The following SLC24A2 variants were observed in gnomAD, a reference collection of about 807,000 sequenced individuals.
SLC24A2 encodes sodium/potassium/calcium exchanger 2.
SLC24A2 carries 36 observed loss-of-function variants against 62.0 expected under a neutral mutation model. The observed-to-expected ratio is 0.58, with a 90% confidence interval of 0.44 to 0.77. The LOEUF (loss-of-function observed/expected upper bound fraction) is 0.77. Among genes scored for constraint, SLC24A2 ranks in the 30% least tolerant of loss-of-function variants. The pLI, the probability that SLC24A2 is intolerant of heterozygous loss-of-function variation, is 0.00. For missense variants in SLC24A2, 846 were observed against 817.9 expected (o/e 1.03, Z -0.42); for synonymous variants, 358 against 294.0 (o/e 1.22, Z -2.23).
intron 2 of SLC24A2, among the ~76,000 whole-genome samples, chr9:19,709,792 C>G (rs1490259860): frequency 1.3e-5 from 2 of 150,286 alleles, no homozygotes; most frequent in Non-Finnish European, 3.0e-5. Context: ...GGAGATATAC[C>G]TAATGCTAAA....
the SLC24A2 span, among the ~76,000 whole-genome samples, chr9:20,159,281 C>T: frequency 6.6e-6 from 1 of 151,614 alleles, no homozygotes; most frequent in Non-Finnish European, 1.5e-5. Flanking sequence ...TCTTAGGAGC[C>T]TTTTCAGACC....
chr9:19,885,853 G>A, the SLC24A2 span, among the ~76,000 whole-genome samples: 2 of 152,028 alleles, frequency 1.3e-5, no homozygotes, highest in African/African-American at 4.8e-5. Context: ...TGTGGTACTT[G>A]GTTTTCTGCT....
chr9:19,953,734 A>T, the SLC24A2 span, among the ~76,000 whole-genome samples: 1 of 152,230 alleles, frequency 6.6e-6, no homozygotes, highest in South Asian at 2.1e-4. Context: ...TTAATGGGAT[A>T]TACACCTGTT....
the SLC24A2 span, among the ~76,000 whole-genome samples, chr9:19,988,586 G>C: frequency 1.6e-3 from 239 of 152,278 alleles, 1 homozygote; most frequent in Middle Eastern, 0.014. Flanking sequence ...CTAAGAATTA[G>C]ACAAGGGAGG....
the SLC24A2 span, among the ~76,000 whole-genome samples, chr9:20,225,277 T>A: frequency 1.6e-4 from 24 of 145,780 alleles, no homozygotes; most frequent in East Asian, 4.0e-3. Context: ...CAAGGAAACA[T>A]GTATAACAAT....
At chr9:19,751,591 G>A (rs1196795765) in intron 2 of SLC24A2, among the ~76,000 whole-genome samples, 1 of 152,088 alleles carries the variant, frequency 6.6e-6, no homozygotes, top group African/African-American at 2.4e-5. Flanking sequence ...GGAGAAAGGA[G>A]AGAAACCAAA....
At chr9:19,917,169 C>T in the SLC24A2 span, among the ~76,000 whole-genome samples, 6 of 151,272 alleles carry the variant, frequency 4.0e-5, no homozygotes, top group African/African-American at 1.2e-4. Context: ...AGACATTTAT[C>T]TCCCTCTACT....
intron 7 of SLC24A2, among the ~76,000 whole-genome samples, chr9:19,553,744 G>A (rs900722729): frequency 6.6e-6 from 1 of 152,234 alleles, no homozygotes; most frequent in Non-Finnish European, 1.5e-5. Flanking sequence ...CAGGTGCAAA[G>A]CACTGCATTT....
the SLC24A2 span, among the ~76,000 whole-genome samples, chr9:20,217,818 T>C: frequency 6.6e-6 from 1 of 152,370 alleles, no homozygotes; most frequent in African/African-American, 2.4e-5. Context: ...CATCTGGCTA[T>C]CTTCTGCCTA....
the SLC24A2 span, among the ~76,000 whole-genome samples, chr9:20,059,482 G>A: frequency 1.3e-5 from 2 of 151,930 alleles, no homozygotes; most frequent in African/African-American, 4.8e-5. Flanking sequence ...AAAACAATTA[G>A]AAATCAATAA....
At chr9:20,123,881 C>T in the SLC24A2 span, among the ~76,000 whole-genome samples, 2 of 152,132 alleles carry the variant, frequency 1.3e-5, no homozygotes, top group African/African-American at 4.8e-5. Flanking sequence ...GAACAAAAAA[C>T]TATTACTGCA....
chr9:20,182,333 C>T, the SLC24A2 span, among the ~76,000 whole-genome samples: 1 of 152,324 alleles, frequency 6.6e-6, no homozygotes, highest in East Asian at 1.9e-4. Context: ...GACACATGCA[C>T]ACCTATGTTT....
At chr9:20,063,163 A>T in the SLC24A2 span, among the ~76,000 whole-genome samples, 1 of 146,522 alleles carries the variant, frequency 6.8e-6, no homozygotes, top group Non-Finnish European at 1.5e-5. Flanking sequence ...AAGGACTATA[A>T]ATCATGCTGC....
At chr9:19,940,565 C>T in the SLC24A2 span, among the ~76,000 whole-genome samples, 2 of 152,098 alleles carry the variant, frequency 1.3e-5, no homozygotes, top group Non-Finnish European at 2.9e-5. Context: ...AACCCTCACC[C>T]CTACCCCCAA....
the SLC24A2 span, among the ~76,000 whole-genome samples, chr9:19,805,886 A>G: frequency 1.3e-5 from 2 of 151,620 alleles, no homozygotes; most frequent in South Asian, 4.2e-4. Context: ...GGGTTGGGCA[A>G]GTGTGGGTCC....
At chr9:19,705,740 G>C (rs574658391) in intron 2 of SLC24A2, 1 of 155,626 alleles carries the variant, frequency 6.4e-6, no homozygotes, top group Non-Finnish European at 1.4e-5. Context: ...TAGTTGAGCG[G>C]TTTTGAATGA....
At chr9:19,714,667 A>C (rs1357557724) in intron 2 of SLC24A2, among the ~76,000 whole-genome samples, 1 of 152,204 alleles carries the variant, frequency 6.6e-6, no homozygotes, top group Non-Finnish European at 1.5e-5. Context: ...GATATACAAC[A>C]TGATGTTATG....
At chr9:20,081,225 AC>A in the SLC24A2 span, among the ~76,000 whole-genome samples, 1 of 152,058 alleles carries the variant, frequency 6.6e-6, no homozygotes, top group East Asian at 1.9e-4. Flanking sequence ...CTTGGAACCA[AC>A]CCAAATGTCC....
the SLC24A2 span, among the ~76,000 whole-genome samples, chr9:20,173,961 CAT>C: frequency 6.6e-6 from 1 of 151,736 alleles, no homozygotes; most frequent in Admixed American, 6.6e-5. Context: ...ACTAGAAAAC[CAT>C]AGTCACCAAA....
Sources: allele counts gnomAD v4.1 joint callset (sites outside exome capture counted in the v4.1 genomes callset), GRCh38; gene constraint gnomAD v4.1.1; transcripts MANE v1.5; gene names NCBI Gene and HGNC (gene_info 2026-07-23, HGNC 2026-07-21).